The following MYT1L variants were observed in gnomAD, a reference collection of about 807,000 sequenced individuals.
MYT1L encodes myelin transcription factor 1 like.
Under a neutral mutation model 126.7 loss-of-function variants are expected in MYT1L, and 12 were observed. The observed-to-expected ratio is 0.09, with a 90% CI of 0.06 to 0.15. The LOEUF (loss-of-function observed/expected upper bound fraction) is 0.15, where lower values mean the gene tolerates loss of function less well. Among genes scored for constraint, MYT1L ranks in the 10% least tolerant of loss-of-function variants. The pLI is 1.00. For synonymous variants in MYT1L, 541 were observed against 604.2 expected (o/e 0.90, Z 1.53); for missense variants, 979 against 1,585.2 (o/e 0.62, Z 6.49).
chr2:2,137,441 AC>A (rs1232904655), intron 3 of MYT1L, among the ~76,000 whole-genome samples: 1 of 152,208 alleles, frequency 6.6e-6, no homozygotes, highest in Non-Finnish European at 1.5e-5. Context: ...TTCAAACTAT[AC>A]TACAAGGCTA....
chr2:2,106,557 G>A (rs970128399), intron 3 of MYT1L, among the ~76,000 whole-genome samples: 18 of 152,198 alleles, frequency 1.2e-4, no homozygotes, highest in Non-Finnish European at 2.6e-4. Context: ...GGCGGAGGTT[G>A]CAGTGAGCTG....
intron 2 of MYT1L, among the ~76,000 whole-genome samples, chr2:2,201,558 C>T (rs1264285082): frequency 1.3e-5 from 2 of 151,878 alleles, no homozygotes; most frequent in Admixed American, 6.6e-5. Flanking sequence ...ATTAGCTGGG[C>T]GTGGTGGCAG....
intron 1 of MYT1L, among the ~76,000 whole-genome samples, chr2:2,312,253 GTTTCC>G: frequency 6.6e-6 from 1 of 152,256 alleles, no homozygotes. Context: ...TGATGAGGTT[GTTTCC>G]TTTCCTTAGT....
intron 2 of MYT1L, among the ~76,000 whole-genome samples, chr2:2,208,837 A>G (rs1371558250): frequency 6.6e-6 from 1 of 152,236 alleles, no homozygotes; most frequent in East Asian, 1.9e-4. Context: ...CCTAAAATAG[A>G]AAAACAGTAA....
chr2:2,125,707 C>T (rs2081598299), intron 3 of MYT1L, among the ~76,000 whole-genome samples: 2 of 152,168 alleles, frequency 1.3e-5, no homozygotes, highest in South Asian at 4.2e-4. Context: ...AGTGCAATGG[C>T]ATTCTTTTAT....
In MYT1L at chr2:2,261,077, A is replaced by G. The variant is rs533507958; in HGVS notation, c.-421+23327T>C. ...GGTTAGGCAACATTTGCCTCAGTCCATTGCCCCATGCTCAACTCACCCTAC... is the reference window on the plus strand; with the variant it reads ...GGTTAGGCAACATTTGCCTCAGTCCGTTGCCCCATGCTCAACTCACCCTAC... On this transcript the variant is annotated intron_variant, in intron 2 of 24. Transcript: ENST00000647738. Among the ~76,000 whole-genome samples the G allele has an allele frequency of 6.6e-5, 10 of 151,992 alleles. No individual in the cohort carries two copies. The South Asian group carries it at 2.1e-3, about 32-fold the overall frequency.
intron 2 of MYT1L, among the ~76,000 whole-genome samples, chr2:2,196,707 A>G (rs886397193): frequency 6.6e-6 from 1 of 152,048 alleles, no homozygotes; most frequent in Admixed American, 6.5e-5. Flanking sequence ...TAGAAAGTCA[A>G]TAAAACCTAG....
At chr2:2,084,716 C>G (rs543207488) in intron 3 of MYT1L, among the ~76,000 whole-genome samples, 1 of 152,306 alleles carries the variant, frequency 6.6e-6, no homozygotes, top group African/African-American at 2.4e-5. Flanking sequence ...AGGCCTGAAT[C>G]CCAAACCTAC....
chr2:1,801,964 A>G lies in MYT1L; in HGVS notation c.3173-165T>C, dbSNP rs890851963. The G allele has an allele frequency of 2.8e-5, 16 of 567,748 alleles. No individual in the cohort carries two copies. The African/African-American group carries it at 2.9e-4, about 10-fold the overall frequency. 35.2% of individuals were successfully genotyped at this position (567,748 alleles called of 1,614,324 possible). A position where few individuals can be genotyped will look rare whatever the true frequency, so the allele number is the denominator to read the frequency against. ...ATCATCACAATCTCTGTGTCTTTCT[A>G]TTCCCTACCACCGCCCCTTCCCCAC... On this transcript the variant is annotated intron_variant, in intron 22 of 24. Transcript: ENST00000647738. This position sits in a 1 kb window ranked among gnomAD's most constrained non-coding sequence, Gnocchi z 4.2.
chr2:1,923,061 A>G lies in MYT1L; in HGVS notation c.708T>C (p.Asp236=), dbSNP rs1020646706. ...NSNTSNSLED[D]SDKNENLGRK... ...GACCCAGGTTTTCGTTTTTGTCACT[A>G]TCGTCTTCCAGACTATTGGAGGTAT... The change falls in exon 10 of 25, where the codon GAT becomes GAC. Residue 236 remains aspartate, a synonymous_variant. Coordinates refer to ENST00000647738, the MANE Select transcript of MYT1L (RefSeq NM_001303052.2). 8.1e-6 allele frequency: 13 copies of G among 1,613,894 alleles called. No homozygotes were observed. In the African/African-American group the frequency reaches 9.3e-5, roughly 12 times the overall value.
At chr2:1,991,675 C>A (rs1160782478) in intron 5 of MYT1L, among the ~76,000 whole-genome samples, 2 of 152,148 alleles carry the variant, frequency 1.3e-5, no homozygotes, top group Non-Finnish European at 2.9e-5. Flanking sequence ...TCGCCTCCTG[C>A]TTTCCTTCAG....
chr2:2,279,272 C>T (rs2095411834), intron 2 of MYT1L, among the ~76,000 whole-genome samples: 1 of 152,066 alleles, frequency 6.6e-6, no homozygotes, highest in Non-Finnish European at 1.5e-5. Context: ...ATCTACTTTT[C>T]CTATATTTCA....
intron 2 of MYT1L, among the ~76,000 whole-genome samples, chr2:2,250,544 G>A (rs1342007052): frequency 1.3e-5 from 2 of 148,700 alleles, no homozygotes; most frequent in Non-Finnish European, 3.0e-5. Context: ...GGGGAAGTGG[G>A]GATGGTGAAA....
At chr2:1,836,999 C>G (rs920922174) in intron 21 of MYT1L, among the ~76,000 whole-genome samples, 4 of 152,188 alleles carry the variant, frequency 2.6e-5, no homozygotes, top group African/African-American at 9.6e-5. Flanking sequence ...GGGTGAGGGT[C>G]TAGCAGCAGA....
intron 2 of MYT1L, among the ~76,000 whole-genome samples, chr2:2,243,758 C>G (rs937841358): frequency 6.6e-6 from 1 of 152,138 alleles, no homozygotes; most frequent in Non-Finnish European, 1.5e-5. Flanking sequence ...TTTTTGGATT[C>G]TGGTGGGAGC....
chr2:2,067,820 AAAAT>A (rs1276221477), intron 3 of MYT1L, among the ~76,000 whole-genome samples: 1 of 152,174 alleles, frequency 6.6e-6, no homozygotes, highest in East Asian at 1.9e-4. Flanking sequence ...TAAAGCATTA[AAAAT>A]AAATAAAAGC....
At chr2:2,137,340 T>C (rs1468461165) in intron 3 of MYT1L, among the ~76,000 whole-genome samples, 3 of 150,816 alleles carry the variant, frequency 2.0e-5, no homozygotes, top group Admixed American at 6.6e-5. Flanking sequence ...AAAAAACTAC[T>C]TTAAAGTTCA....
At chr2:2,319,762 TA>T (rs1227736646) in intron 1 of MYT1L, among the ~76,000 whole-genome samples, 1 of 150,314 alleles carries the variant, frequency 6.7e-6, no homozygotes, top group African/African-American at 2.4e-5. Context: ...AATATGCATA[TA>T]TATATATATA....
chr2:1,849,351 T>A (rs578160527), intron 19 of MYT1L, among the ~76,000 whole-genome samples: 4 of 47,606 alleles, frequency 8.4e-5, no homozygotes, highest in East Asian at 1.8e-3. Flanking sequence ...GTTTTACAAA[T>A]TTTTTTTTAA....
Sources: allele counts gnomAD v4.1 joint callset (sites outside exome capture counted in the v4.1 genomes callset), GRCh38; gene constraint gnomAD v4.1.1; non-coding constraint Gnocchi (gnomAD v3.1); transcripts MANE v1.5; gene names NCBI Gene and HGNC (gene_info 2026-07-23, HGNC 2026-07-21).